MYO1G: variants seen among roughly 807,000 people sequenced by gnomAD.
MYO1G encodes myosin IG, also known as unconventional myosin-Ig.
MYO1G carries 65 observed loss-of-function variants against 115.3 expected under a neutral mutation model. That is an observed-to-expected ratio of 0.56 (90% CI 0.46 to 0.69). MYO1G has a LOEUF of 0.69. Among genes scored for constraint, MYO1G ranks in the 30% least tolerant of loss-of-function variants. The probability of loss-of-function intolerance (pLI) is 0.00; values close to 1 mark genes in which losing one functional copy is unlikely to be tolerated. For synonymous variants in MYO1G, 510 were observed against 552.6 expected, an observed-to-expected ratio of 0.92 and a Z score of 1.08; for missense variants, 1,204 against 1,393.5, an observed-to-expected ratio of 0.86 and a Z score of 2.16.
At chr7:44,972,366 C>T (rs1794975438) in intron 5 of MYO1G, 141 bp from the exon 6 acceptor site, 1 of 657,212 alleles carries the variant, frequency 1.5e-6, no homozygotes, top group African/African-American at 1.8e-5. Flanking sequence ...ACAGTGTGAA[C>T]AGTTTCTGTG....
rs1794794307 is a variant in MYO1G, at chr7:44,963,976, G to A, written c.2745+73C>T. Reference sequence around the variant, plus strand: ...TCAGGTAAACAGGGGAGAGAAGACTGAGGCAGGACTCTGAGCAGCCCAGCA... The same window carrying A: ...TCAGGTAAACAGGGGAGAGAAGACTAAGGCAGGACTCTGAGCAGCCCAGCA... On this transcript the variant is annotated intron_variant, in intron 20 of 21. Coordinates refer to ENST00000258787, the MANE Select transcript of MYO1G (RefSeq NM_033054.3). This position sits in a 1 kb window ranked among gnomAD's most constrained non-coding sequence, Gnocchi z 4.1. 12 of 1,214,214 alleles carry A rather than the reference G, an allele frequency of 9.9e-6. No individual in the cohort carries two copies. Among genetic ancestry groups the A allele is most frequent in the Admixed American group, 2.0e-5 (1 of 50,096 alleles). 75.2% of individuals were successfully genotyped at this position (1,214,214 alleles called of 1,614,324 possible).
rs773938314 is a variant in MYO1G at position 44,964,410 on chromosome 7, C to T, written c.2631+5G>A. ...CCCTGAAGCCATCCTTGTCCCTTGTCTAACCTTGCGGACATGGCTTGAAAA... is the reference window on the plus strand; with the variant it reads ...CCCTGAAGCCATCCTTGTCCCTTGTTTAACCTTGCGGACATGGCTTGAAAA... On this transcript the variant is annotated splice_donor_5th_base_variant and intron_variant, in intron 19 of 21. Transcript: ENST00000258787. This position sits in a 1 kb window ranked among gnomAD's most constrained non-coding sequence, Gnocchi z 5.1. The T allele has an allele frequency of 6.2e-7, 1 of 1,612,118 alleles. No individual in the cohort carries two copies. Among genetic ancestry groups the T allele is most frequent in the Non-Finnish European group, 8.5e-7 (1 of 1,178,270 alleles).
At chr7:44,978,306 C>T (rs1583799125) in intron 1 of MYO1G, among the ~76,000 whole-genome samples, 1 of 152,202 alleles carries the variant, frequency 6.6e-6, no homozygotes, top group Admixed American at 6.5e-5. Flanking sequence ...ATCACTTCTA[C>T]CAACTGTGTC....
chr7:44,970,140 C>A lies in MYO1G; in HGVS notation c.1232G>T (p.Cys411Phe). Reference sequence around the variant, plus strand: ...CAGCTTCTCGTTGCAGTAGTTGATGCAGAACTGCTCGAAACTGGGGGTGGG... The same window carrying A: ...CAGCTTCTCGTTGCAGTAGTTGATGAAGAACTGCTCGAAACTGGGGGTGGG... ...VFPVNSFEQFCINYCNEKLQQ... is the reference protein window; with the variant it reads ...VFPVNSFEQFFINYCNEKLQQ... Residue 411 changes from cysteine to phenylalanine, a missense_variant, in exon 10 of 22, where the codon TGC (cysteine) becomes TTC (phenylalanine). Coordinates refer to ENST00000258787, the MANE Select transcript of MYO1G (RefSeq NM_033054.3). The A allele has an allele frequency of 6.2e-7, 1 of 1,613,024 alleles. No homozygotes were observed. Among genetic ancestry groups the A allele is most frequent in the Non-Finnish European group, 8.5e-7 (1 of 1,179,268 alleles).
At chr7:44,968,870 C>A in intron 12 of MYO1G, 2 of 160,220 alleles carry the variant, frequency 1.2e-5, no homozygotes, top group South Asian at 1.7e-4. Flanking sequence ...TATTCTATTC[C>A]CTCTCCTTGA....
chr7:44,974,653 G>A lies in MYO1G; in HGVS notation c.618+521C>T, dbSNP rs1293507942. On this transcript the variant is annotated intron_variant, in intron 5 of 21. Coordinates refer to ENST00000258787, the MANE Select transcript of MYO1G (RefSeq NM_033054.3). ...TGCAAACACACCGCTGGCGTGCCAG[G>A]GAGCTCCACTTCAGTGTCAAGCTCT... 2.4e-5 allele frequency: 4 copies of A among 170,106 alleles called. No individual in the cohort carries two copies. The East Asian group carries it at 5.8e-4, about 24-fold the overall frequency. The allele number at this position is 170,106 out of a possible 1,614,324, so 10.5% of individuals were successfully genotyped here. A position where few individuals can be genotyped will look rare whatever the true frequency, so the allele number is the denominator to read the frequency against.
intron 1 of MYO1G, among the ~76,000 whole-genome samples, chr7:44,978,147 G>C (rs1439004378): frequency 6.6e-6 from 1 of 152,116 alleles, no homozygotes; most frequent in Non-Finnish European, 1.5e-5. Context: ...AGCTTCCGGA[G>C]TACACAGCGA....
At chr7:44,971,935 T>C in intron 6 of MYO1G, 146 bp from the exon 7 acceptor site, 1 of 749,638 alleles carries the variant, frequency 1.3e-6, no homozygotes, top group Non-Finnish European at 2.3e-6. Context: ...CCTAAGCACC[T>C]GCTCACCCCT....
In MYO1G at chr7:44,965,688, G is replaced by A; in HGVS notation, c.2330C>T (p.Pro777Leu). The A allele has an allele frequency of 6.2e-7, 1 of 1,613,434 alleles. No homozygotes were observed. Among genetic ancestry groups the A allele is most frequent in the Non-Finnish European group, 8.5e-7 (1 of 1,180,014 alleles). Reference protein sequence around the residue: ...LYGRDLVWPLPPAVLQPFQDT... With the variant: ...LYGRDLVWPLLPAVLQPFQDT... ...CTGGAAGGGCTGCAGCACAGCAGGG[G>A]GCAGCGGCCACACAAGGTCACGCCC... The change falls in exon 17 of 22, where the codon CCC becomes CTC. Residue 777 changes from proline to leucine, a missense_variant. Coordinates refer to ENST00000258787, the MANE Select transcript of MYO1G (RefSeq NM_033054.3).
rs767824357 is a variant in MYO1G at position 44,970,903 on chromosome 7, C to T, written c.1003G>A (p.Gly335Ser). ...SLLARTVASG[G>S]RELIEKGHTA... is the part of the protein sequence containing the mutation. ...TGGCCCTTCTCTATGAGTTCCCTGC[C>T]TCCCGAGGCAACTGTGCGAGCCAGC... Residue 335 changes from glycine to serine, a missense_variant, in exon 8 of 22, where the codon GGC becomes AGC. Coordinates refer to ENST00000258787, the MANE Select transcript of MYO1G (RefSeq NM_033054.3). 1.9e-6 allele frequency: 3 copies of T among 1,613,568 alleles called. No homozygotes were observed. The highest frequency in any genetic ancestry group is 2.2e-5 in the South Asian group (2 of 91,080).
intron 5 of MYO1G, chr7:44,974,751 C>T (rs1018972861): frequency 4.7e-6 from 1 of 214,724 alleles, no homozygotes. Flanking sequence ...TGGAGACAGT[C>T]CCTGGGCGCG....
chr7:44,970,788 C>G, intron 8 of MYO1G, 47 bp downstream of exon 8: 2 of 1,613,476 alleles, frequency 1.2e-6, no homozygotes, highest in Non-Finnish European at 1.7e-6. Context: ...TGGCCTCCCC[C>G]ATGAAGGCCT....
At chr7:44,976,488 C>T (rs1474084200) in intron 3 of MYO1G, 76 bp downstream of exon 3, 18 of 1,429,822 alleles carry the variant, frequency 1.3e-5, no homozygotes, top group African/African-American at 2.8e-5. Flanking sequence ...TCTCACTCCC[C>T]AGAGCCAGCC....
chr7:44,962,850 T>C lies in MYO1G; in HGVS notation c.2946A>G (p.Leu982=). ...TGAGGCGCCGGACCCCGCGATGGCT[T>C]AGTGGGATGCAGTCGGAGACGCGAA... is the stretch of plus-strand genomic sequence containing the variant. ...LEVRVSDCIP[L]SHRGVRRLIS... The change falls in exon 22 of 22, where the codon CTA becomes CTG. Residue 982 remains leucine, a synonymous_variant. Transcript: ENST00000258787. This position sits in a 1 kb window ranked among gnomAD's most constrained non-coding sequence, Gnocchi z 5.3. 1.3e-6 allele frequency: 2 copies of C among 1,510,770 alleles called. No homozygotes were observed. Among genetic ancestry groups the C allele is most frequent in the South Asian group, 2.5e-5 (2 of 78,930 alleles). The allele number at this position is 1,510,770 out of a possible 1,614,324, so 93.6% of individuals were successfully genotyped here. A position where few individuals can be genotyped will look rare whatever the true frequency, so the allele number is the denominator to read the frequency against.
At chr7:44,967,803 C>CGCTAA (rs1794874569) in intron 13 of MYO1G, 66 bp from the exon 14 acceptor site, 1 of 1,611,744 alleles carries the variant, frequency 6.2e-7, no homozygotes. Flanking sequence ...CACGTCCTGA[C>CGCTAA]GCTAGTCAAT....
rs749021087 is a variant in MYO1G, at chr7:44,962,692, G to C, written c.*47C>G. On this transcript the variant is annotated 3_prime_UTR_variant, in exon 22 of 22. Coordinates refer to ENST00000258787, the MANE Select transcript of MYO1G (RefSeq NM_033054.3). The surrounding 1 kb of genome is among the most constrained non-coding windows in gnomAD (Gnocchi z 5.3). ...ACTCAGAAGGTTTATTTGCAGCGCTGGCGGGGCGGACAATTGGCGGCCTCG... is the reference window on the plus strand; with the variant it reads ...ACTCAGAAGGTTTATTTGCAGCGCTCGCGGGGCGGACAATTGGCGGCCTCG... The C allele has an allele frequency of 3.5e-5, 50 of 1,448,892 alleles. No individual in the cohort carries two copies. The highest frequency in any genetic ancestry group is 3.5e-5 in the Non-Finnish European group (39 of 1,110,484). 89.8% of individuals were successfully genotyped at this position (1,448,892 alleles called of 1,614,324 possible). A position where few individuals can be genotyped will look rare whatever the true frequency, so the allele number is the denominator to read the frequency against.
intron 12 of MYO1G, chr7:44,968,504 A>AT (rs11322671): frequency 0.012 from 1,686 of 140,990 alleles, 26 homozygotes; most frequent in African/African-American, 0.034. Context: ...CAGGGAATGG[A>AT]TTTTTTTTTT....
At chr7:44,976,411 T>C (rs949966060) in intron 3 of MYO1G, among the ~76,000 whole-genome samples, 153 bp downstream of exon 3, 1 of 152,154 alleles carries the variant, frequency 6.6e-6, no homozygotes, top group Non-Finnish European at 1.5e-5. Context: ...TCCGGGTGTG[T>C]TGGCATTATC....
intron 5 of MYO1G, chr7:44,973,912 CCT>C (rs1795004294): frequency 6.6e-6 from 1 of 151,024 alleles, no homozygotes; most frequent in Non-Finnish European, 1.5e-5. Flanking sequence ...GTGGAGACGC[CCT>C]CTGTGTTCCC....
Sources: allele counts gnomAD v4.1 joint callset (sites outside exome capture counted in the v4.1 genomes callset), GRCh38; gene constraint gnomAD v4.1.1; non-coding constraint Gnocchi (gnomAD v3.1); transcripts MANE v1.5; gene names NCBI Gene and HGNC (gene_info 2026-07-23, HGNC 2026-07-21).